HSF2: variants seen among roughly 807,000 people sequenced by gnomAD.
HSF2 encodes heat shock factor protein 2.
Under a neutral mutation model 65.0 loss-of-function variants are expected in HSF2, and 21 were observed. The observed-to-expected ratio is 0.32, with a 90% CI of 0.23 to 0.47. HSF2 has a LOEUF of 0.47. HSF2 is among the 20% of genes least tolerant of loss of function. HSF2 has a pLI of 1.00. For missense variants in HSF2, 499 were observed against 628.1 expected (o/e 0.79, Z 2.20); for synonymous variants, 225 against 219.1 (o/e 1.03, Z -0.24).
chr6:122,403,484 T>G (rs1353926073), intron 1 of HSF2, among the ~76,000 whole-genome samples: 3 of 151,626 alleles, frequency 2.0e-5, no homozygotes, highest in Non-Finnish European at 4.4e-5. Flanking sequence ...GCGTGCATCT[T>G]TAGTCCCAGC....
intron 3 of HSF2, 38 bp from the exon 4 acceptor site, chr6:122,413,487 T>G (rs1382196481): frequency 1.4e-6 from 2 of 1,466,026 alleles, no homozygotes; most frequent in Non-Finnish European, 1.9e-6. Flanking sequence ...CATGGGTGTT[T>G]ACTGTTTCTT....
In HSF2 at chr6:122,423,629, C is replaced by T; in HGVS notation, c.1119C>T (p.Asp373=). 1 of 1,610,906 alleles carries T rather than the reference C, an allele frequency of 6.2e-7. No individual in the cohort carries two copies. Among genetic ancestry groups the T allele is most frequent in the South Asian group, 1.1e-5 (1 of 90,726 alleles). The change falls in exon 10 of 13, where the codon GAC becomes GAT. Residue 373 remains aspartate, a synonymous_variant. Transcript: ENST00000368455. ...YLDSIDCSLE[D]FQAMLSGRQF... is the part of the protein sequence containing the mutation. ...ACAGTATTGACTGCAGTTTAGAGGACTTCCAGGCCATGCTATCAGGAAGAC... is the reference window on the plus strand; with the variant it reads ...ACAGTATTGACTGCAGTTTAGAGGATTTCCAGGCCATGCTATCAGGAAGAC...
intron 4 of HSF2, among the ~76,000 whole-genome samples, chr6:122,415,443 AT>A (rs1774102285): frequency 6.6e-6 from 1 of 152,088 alleles, no homozygotes; most frequent in African/African-American, 2.4e-5. Flanking sequence ...TTTTAGAGAA[AT>A]TTTAAATAAG....
chr6:122,431,424 T>C lies in HSF2; in HGVS notation c.1231-6T>C, dbSNP rs184709571. 8.2e-5 allele frequency: 119 copies of C among 1,445,078 alleles called. No homozygotes were observed. The East Asian group carries it at 2.6e-3, about 32-fold the overall frequency. The allele number at this position is 1,445,078 out of a possible 1,614,324, so 89.5% of individuals were successfully genotyped here. A position where few individuals can be genotyped will look rare whatever the true frequency, so the allele number is the denominator to read the frequency against. ...AAGTACTTATATATATATTTTTTTCTTTTAGTCTGAGAATAAAGGATTAGA... is the reference window on the plus strand; with the variant it reads ...AAGTACTTATATATATATTTTTTTCCTTTAGTCTGAGAATAAAGGATTAGA... On this transcript the variant is annotated splice_region_variant and splice_polypyrimidine_tract_variant and intron_variant, in intron 11 of 12. Transcript: ENST00000368455.
chr6:122,409,850 A>G (rs1773950762), intron 1 of HSF2, among the ~76,000 whole-genome samples: 1 of 151,954 alleles, frequency 6.6e-6, no homozygotes, highest in Non-Finnish European at 1.5e-5. Flanking sequence ...GCTTGCTTGT[A>G]AAGAGTAAGA....
At position 122,420,240 on chromosome 6, in the gene HSF2, G is replaced by A; in HGVS notation, c.681+18G>A. On this transcript the variant is annotated intron_variant, in intron 7 of 12. Transcript: ENST00000368455. ...ATCATAAAGTAATTTTTTAGTTAGG[G>A]TCTATTTTATATTTATTGTCTCAGA... The A allele has an allele frequency of 1.9e-6, 3 of 1,562,950 alleles. No homozygotes were observed. Among genetic ancestry groups the A allele is most frequent in the East Asian group, 2.3e-5 (1 of 44,194 alleles).
chr6:122,399,941 C>T, intron 1 of HSF2, 111 bp downstream of exon 1: 1 of 838,494 alleles, frequency 1.2e-6, no homozygotes, highest in Non-Finnish European at 2.0e-6. Context: ...CTGCGAGGCC[C>T]GCGGTGCGGG....
Position 122,432,073 on chromosome 6 carries a change from T to G in HSF2, c.1464T>G (p.Asp488Glu). ...CCATAGAAGTTGATGAGCTTCTGGATAGCAGCCTAGACCCAGAACCAACCC... is the reference window on the plus strand; with the variant it reads ...CCATAGAAGTTGATGAGCTTCTGGAGAGCAGCCTAGACCCAGAACCAACCC... ...DKPIEVDELL[D>E]SSLDPEPTQS... Residue 488 changes from aspartate to glutamate, a missense_variant, in exon 13 of 13, where the codon GAT (aspartate) becomes GAG (glutamate). Asp to Glu is a conservative substitution (Grantham distance 45, BLOSUM62 2). Transcript: ENST00000368455. 6.2e-7 allele frequency: 1 copy of G among 1,614,148 alleles called. No individual in the cohort carries two copies. The highest frequency in any genetic ancestry group is 2.2e-5 in the East Asian group (1 of 44,866).
chr6:122,431,885 A>G, intron 12 of HSF2, 40 bp from the exon 13 acceptor site: 4 of 1,562,714 alleles, frequency 2.6e-6, no homozygotes, highest in Non-Finnish European at 3.5e-6. Flanking sequence ...TGAACTCAGT[A>G]TAAGCTGGTG....
intron 11 of HSF2, among the ~76,000 whole-genome samples, chr6:122,429,273 C>T (rs76579283): frequency 0.029 from 4,360 of 152,008 alleles, 203 homozygotes; most frequent in African/African-American, 0.1. Context: ...TGTTTATTTG[C>T]GACTGGACAT....
At position 122,416,305 on chromosome 6, in the gene HSF2, C is replaced by G. The variant is rs1774126756; in HGVS notation, c.531+9C>G. On this transcript the variant is annotated intron_variant, in intron 5 of 12. Transcript: ENST00000368455. ...AACAAGTTATTCGAAAGGTAAGAAGCTCTTTTCCCCAGGACCATAATTTGC... is the reference window on the plus strand; with the variant it reads ...AACAAGTTATTCGAAAGGTAAGAAGGTCTTTTCCCCAGGACCATAATTTGC... 2.5e-6 allele frequency: 4 copies of G among 1,596,850 alleles called. No homozygotes were observed. The highest frequency in any genetic ancestry group is 3.4e-6 in the Non-Finnish European group (4 of 1,164,888).
In HSF2 at chr6:122,432,294, T is replaced by C; in HGVS notation, c.*74T>C. 1 of 1,299,026 alleles carries C rather than the reference T, an allele frequency of 7.7e-7. No individual in the cohort carries two copies. Among genetic ancestry groups the C allele is most frequent in the Non-Finnish European group, 1.1e-6 (1 of 936,124 alleles). 80.5% of individuals were successfully genotyped at this position (1,299,026 alleles called of 1,614,324 possible). On this transcript the variant is annotated 3_prime_UTR_variant, in exon 13 of 13. Coordinates refer to ENST00000368455, the MANE Select transcript of HSF2 (RefSeq NM_004506.4). ...CTATTTATTTTAAAGTATCATTTGG[T>C]ACTTTTTTTGTAAATTGCTTTGTTT...
chr6:122,416,410 G>A, intron 5 of HSF2, 114 bp downstream of exon 5: 1 of 575,712 alleles, frequency 1.7e-6, no homozygotes. Flanking sequence ...CTTACATATT[G>A]GATGCACAGA....
intron 3 of HSF2, 46 bp from the exon 4 acceptor site, chr6:122,413,479 T>G (rs549251005): frequency 7.1e-7 from 1 of 1,405,004 alleles, no homozygotes; most frequent in African/African-American, 1.5e-5. Context: ...ATTACAATCA[T>G]GGGTGTTTAC....
intron 10 of HSF2, 99 bp downstream of exon 10, chr6:122,423,785 G>T: frequency 1.8e-6 from 1 of 550,270 alleles, no homozygotes; most frequent in Non-Finnish European, 3.1e-6. Flanking sequence ...TCTACAGGTT[G>T]TTTTTGCATT....
Position 122,422,870 on chromosome 6 carries a change from A to T in HSF2, c.983A>T (p.Gln328Leu). 1 of 1,613,728 alleles carries T rather than the reference A, an allele frequency of 6.2e-7. No individual in the cohort carries two copies. The highest frequency in any genetic ancestry group is 8.5e-7 in the Non-Finnish European group (1 of 1,179,792). The change falls in exon 9 of 13, where the codon CAG becomes CTG. Residue 328 changes from glutamine to leucine, a missense_variant. By Grantham distance (113) the Gln-to-Leu change is moderately radical. Transcript: ENST00000368455. ...AGCCCTCTCATGTCTAGTGCTGTCC[A>T]GCTAAATGGCTCATCCAGTCTGACC... ...GSSPLMSSAV[Q>L]LNGSSSLTSE...
intron 1 of HSF2, among the ~76,000 whole-genome samples, chr6:122,411,289 T>G (rs867367514): frequency 2.6e-5 from 4 of 152,040 alleles, no homozygotes; most frequent in South Asian, 4.1e-4. Flanking sequence ...CTTGCTCGTT[T>G]TTTATCGGGT....
chr6:122,419,887 A>C (rs1774196144), intron 6 of HSF2, among the ~76,000 whole-genome samples: 1 of 152,206 alleles, frequency 6.6e-6, no homozygotes, highest in Non-Finnish European at 1.5e-5. Flanking sequence ...AATGAAGTAT[A>C]ACTGGAGAGA....
intron 11 of HSF2, among the ~76,000 whole-genome samples, chr6:122,430,779 A>T (rs1021512411): frequency 2.0e-5 from 3 of 152,172 alleles, no homozygotes; most frequent in Non-Finnish European, 4.4e-5. Flanking sequence ...GGAGCACTGA[A>T]GAAATTAACA....
Sources: gnomAD v4.1 joint callset for allele counts (sites outside exome capture counted in the v4.1 genomes callset) on GRCh38, gnomAD v4.1.1 for gene constraint, MANE v1.5 for transcripts, NCBI Gene and HGNC (gene_info 2026-07-23, HGNC 2026-07-21) for gene names.